MTR: variants seen among roughly 807,000 people sequenced by gnomAD.
The protein encoded by MTR is 5-methyltetrahydrofolate-homocysteine methyltransferase.
Under a neutral mutation model 154.8 loss-of-function variants are expected in MTR, and 84 were observed. The ratio of observed to expected loss-of-function variants is 0.54; its 90% CI spans 0.45 to 0.65. The LOEUF (loss-of-function observed/expected upper bound fraction) is 0.65. MTR is among the 30% of genes least tolerant of loss of function. The pLI is 0.00. For missense variants in MTR, 1,275 were observed against 1,570.2 expected (o/e 0.81, Z 3.18); for synonymous variants, 554 against 553.9 (o/e 1.00, Z 0.00).
chr1:236,834,308 A>C (rs1181762108), intron 13 of MTR, among the ~76,000 whole-genome samples: 1 of 152,036 alleles, frequency 6.6e-6, no homozygotes, highest in Non-Finnish European at 1.5e-5. Context: ...GCCTCCAGAG[A>C]AGCTGGGACT....
Position 236,824,209 on chromosome 1 carries a change from T to C in MTR, c.855T>C (p.Tyr285=). ...GTACAACAGCCTATGTCCTCTGTTATCCCAATGCAGGTGTGTGTTTCAAGG... is the reference window on the plus strand; with the variant it reads ...GTACAACAGCCTATGTCCTCTGTTACCCCAATGCAGGTGTGTGTTTCAAGG... ...GKCTTAYVLC[Y]PNAGLPNTFG... is the part of the protein sequence containing the mutation. Residue 285 remains tyrosine, a synonymous_variant, in exon 9 of 33, where the codon TAT becomes TAC. Coordinates refer to ENST00000366577, the MANE Select transcript of MTR (RefSeq NM_000254.3). The C allele has an allele frequency of 6.2e-7, 1 of 1,613,500 alleles. No individual in the cohort carries two copies. The highest frequency in any genetic ancestry group is 8.5e-7 in the Non-Finnish European group (1 of 1,179,422).
At chr1:236,819,532 T>C (rs539566557) in intron 8 of MTR, 1 of 342,262 alleles carries the variant, frequency 2.9e-6, no homozygotes, top group African/African-American at 2.1e-5. Flanking sequence ...TTCGAAGTTG[T>C]AGCAATTACA....
intron 18 of MTR, among the ~76,000 whole-genome samples, chr1:236,856,641 A>T (rs573806622): frequency 7.9e-5 from 12 of 151,918 alleles, no homozygotes; most frequent in Non-Finnish European, 1.5e-4. Context: ...TCACCCCATC[A>T]TCTATATTAG....
intron 26 of MTR, among the ~76,000 whole-genome samples, chr1:236,885,499 A>G (rs568125370): frequency 6.6e-6 from 1 of 152,314 alleles, no homozygotes; most frequent in South Asian, 2.1e-4. Flanking sequence ...ATGGTAATGA[A>G]TAAAACATGA....
intron 1 of MTR, among the ~76,000 whole-genome samples, chr1:236,796,726 T>C (rs1261810822): frequency 6.6e-6 from 1 of 150,714 alleles, no homozygotes. Flanking sequence ...CTATGAGAGG[T>C]TTATATGTTA....
rs756760475 is a variant in MTR, at chr1:236,852,637, G to C, written c.1812G>C (p.Lys604Asn). Residue 604 changes from lysine to asparagine, a missense_variant and splice_region_variant, in exon 17 of 33, where the codon AAG becomes AAC. Lys to Asn is a moderately conservative substitution (Grantham distance 94). Coordinates refer to ENST00000366577, the MANE Select transcript of MTR (RefSeq NM_000254.3). Reference sequence around the variant, plus strand: ...GGGTTTTCCTTTACCATGCAATCAAGGTATGGTAGAAGAACTCTTAGCCCT... The same window carrying C: ...GGGTTTTCCTTTACCATGCAATCAACGTATGGTAGAAGAACTCTTAGCCCT... ...MHGVFLYHAIKSGMDMGIVNA... is the reference protein window; with the variant it reads ...MHGVFLYHAINSGMDMGIVNA... The C allele has an allele frequency of 6.2e-7, 1 of 1,610,750 alleles. No individual in the cohort carries two copies. The highest frequency in any genetic ancestry group is 8.5e-7 in the Non-Finnish European group (1 of 1,176,962).
chr1:236,880,424 T>A (rs1046050445), intron 24 of MTR, among the ~76,000 whole-genome samples: 1 of 152,140 alleles, frequency 6.6e-6, no homozygotes, highest in African/African-American at 2.4e-5. Flanking sequence ...ATGACAGCAG[T>A]GTGATTTCCT....
intron 1 of MTR, chr1:236,800,375 T>A (rs1660638469): frequency 5.1e-6 from 5 of 985,272 alleles, no homozygotes; most frequent in Non-Finnish European, 6.0e-6. Context: ...ATGCTCACAC[T>A]AGGCTTATGA....
chr1:236,893,941 A>G (rs949064241), intron 29 of MTR, among the ~76,000 whole-genome samples: 5 of 151,878 alleles, frequency 3.3e-5, no homozygotes, highest in African/African-American at 1.2e-4. Flanking sequence ...AGGCGCTTCC[A>G]TTTATTGGAT....
chr1:236,897,338 A>ACACACACACACC (rs1666717785), intron 32 of MTR, among the ~76,000 whole-genome samples: 1 of 148,726 alleles, frequency 6.7e-6, no homozygotes, highest in Non-Finnish European at 1.5e-5. Context: ...ACACACACAC[A>ACACACACACACC]CACACATACA....
Position 236,862,218 on chromosome 1 carries a change from C to G in MTR, c.2197-18C>G, listed in dbSNP as rs1438332137. On this transcript the variant is annotated intron_variant, in intron 20 of 32. Transcript: ENST00000366577. ...CTGTGGTTTGGGAAAGATACCTGATCTATGCTTTTTTTCTCAGGTTATAAA... is the reference window on the plus strand; with the variant it reads ...CTGTGGTTTGGGAAAGATACCTGATGTATGCTTTTTTTCTCAGGTTATAAA... 1.3e-6 allele frequency: 2 copies of G among 1,595,764 alleles called. No individual in the cohort carries two copies. Among genetic ancestry groups the G allele is most frequent in the African/African-American group, 1.3e-5 (1 of 74,488 alleles).
chr1:236,863,851 A>G (rs755806767), intron 22 of MTR, among the ~76,000 whole-genome samples: 17 of 152,170 alleles, frequency 1.1e-4, no homozygotes, highest in Non-Finnish European at 1.8e-4. Flanking sequence ...CAGAGGTGCT[A>G]ATAGCCGGAA....
At chr1:236,815,558 G>A in intron 6 of MTR, 46 bp from the exon 7 acceptor site, 1 of 1,594,236 alleles carries the variant, frequency 6.3e-7, no homozygotes, top group Non-Finnish European at 8.6e-7. Context: ...ACTAATCTTG[G>A]ACACACTCTC....
chr1:236,854,856 T>C (rs1319145245), intron 18 of MTR, among the ~76,000 whole-genome samples: 1 of 152,220 alleles, frequency 6.6e-6, no homozygotes, highest in Non-Finnish European at 1.5e-5. Context: ...GCCAAGAGGT[T>C]TTGCCCCTGG....
chr1:236,836,318 G>T (rs1426859055), intron 14 of MTR, among the ~76,000 whole-genome samples: 1 of 151,860 alleles, frequency 6.6e-6, no homozygotes, highest in African/African-American at 2.4e-5. Flanking sequence ...CTGGAGTGCA[G>T]TGGTGCAATC....
At chr1:236,887,210 T>C (rs1666060353) in intron 27 of MTR, among the ~76,000 whole-genome samples, 1 of 152,184 alleles carries the variant, frequency 6.6e-6, no homozygotes, top group Non-Finnish European at 1.5e-5. Context: ...CTTGGCAGAG[T>C]TGAGCGGATT....
intron 25 of MTR, 82 bp downstream of exon 25, chr1:236,880,918 A>C (rs914744533): frequency 1.5e-6 from 2 of 1,337,462 alleles, no homozygotes; most frequent in African/African-American, 2.9e-5. Flanking sequence ...AGATCTATTC[A>C]TTTTTATTCA....
intron 24 of MTR, among the ~76,000 whole-genome samples, chr1:236,879,739 C>A (rs561551767): frequency 6.6e-6 from 1 of 152,272 alleles, no homozygotes; most frequent in African/African-American, 2.4e-5. Flanking sequence ...CATCACAGGG[C>A]AGTTTGTTTT....
chr1:236,873,067 T>C (rs1392665345), intron 22 of MTR, among the ~76,000 whole-genome samples: 1 of 152,220 alleles, frequency 6.6e-6, no homozygotes, highest in African/African-American at 2.4e-5. Context: ...CAAAACATGT[T>C]ATCTCCATAC....
Sources: gnomAD v4.1 joint callset for allele counts (sites outside exome capture counted in the v4.1 genomes callset) on GRCh38, gnomAD v4.1.1 for gene constraint, MANE v1.5 for transcripts, NCBI Gene and HGNC (gene_info 2026-07-23, HGNC 2026-07-21) for gene names.